The following MSN variants were observed in gnomAD, a reference collection of about 807,000 sequenced individuals.
MSN encodes moesin, also known as epididymis luminal protein 70.
Under a neutral mutation model 48.0 loss-of-function variants are expected in MSN, and 2 were observed. The observed-to-expected ratio is 0.04, with a 90% CI of 0.02 to 0.13. The LOEUF (loss-of-function observed/expected upper bound fraction) is 0.13. Ranked by LOEUF, MSN falls within the 10% of genes least tolerant of loss-of-function variation. The probability of loss-of-function intolerance (pLI) is 1.00; values close to 1 mark genes in which losing one functional copy is unlikely to be tolerated. For missense variants in MSN, 267 were observed against 470.1 expected (o/e 0.57, Z 3.99); for synonymous variants, 146 against 166.9 (o/e 0.87, Z 0.97).
chrX:65,731,019 C>A, intron 4 of MSN, 88 bp from the exon 5 acceptor site: 1 of 740,524 alleles, frequency 1.4e-6, no homozygotes, highest in Non-Finnish European at 2.0e-6. Context: ...CTCTTTGCAT[C>A]AGCCCCTTAG....
intron 1 of MSN, among the ~76,000 whole-genome samples, chrX:65,701,901 T>C (rs2071307618): frequency 9.0e-6 from 1 of 111,245 alleles, no homozygotes; most frequent in Admixed American, 9.5e-5. Flanking sequence ...CCTGCACTAC[T>C]TTACAAATAG....
intron 2 of MSN, among the ~76,000 whole-genome samples, chrX:65,727,005 C>T (rs1418912793): frequency 9.0e-6 from 1 of 111,048 alleles, no homozygotes; most frequent in African/African-American, 3.3e-5. Context: ...CAACAGGGGG[C>T]ACCTCAGCTG....
At chrX:65,676,656 G>T (rs760982590) in intron 1 of MSN, among the ~76,000 whole-genome samples, 1 of 111,517 alleles carries the variant, frequency 9.0e-6, no homozygotes, top group African/African-American at 3.3e-5. Context: ...AGGCATACCT[G>T]TCAGGCTTGA....
intron 1 of MSN, among the ~76,000 whole-genome samples, chrX:65,599,375 C>T (rs1452674277): frequency 8.9e-6 from 1 of 112,381 alleles, no homozygotes; most frequent in Non-Finnish European, 1.9e-5. Context: ...TGGCTCACGC[C>T]CATAATCCCA....
rs187672863 is a variant in MSN at position 65,662,128 on chromosome X, T to C, written c.-21-54690T>C. Among the ~76,000 whole-genome samples, 511 of 112,125 alleles carry C rather than the reference T, an allele frequency of 4.6e-3. 4 individuals are homozygous for C. The highest frequency in any genetic ancestry group is 0.016 in the African/African-American group (489 of 30,826). ...AGTACAAAACACTGCTCAAAGAAAT[T>C]GGAGATGACACAAATAAATGAAAAA... On this transcript the variant is annotated intron_variant, in intron 1 of 3. Coordinates refer to the MSN transcript ENST00000609672.
At chrX:65,605,204 C>T (rs759471201) in intron 1 of MSN, among the ~76,000 whole-genome samples, 14 of 112,706 alleles carry the variant, frequency 1.2e-4, no homozygotes, top group Admixed American at 2.8e-4. Flanking sequence ...CAAAACAGAA[C>T]ATTGCCACTC....
At chrX:65,669,807 T>G (rs901098900) in intron 1 of MSN, among the ~76,000 whole-genome samples, 11 of 109,995 alleles carry the variant, frequency 1.0e-4, no homozygotes, top group Non-Finnish European at 2.1e-4. Context: ...CCTTGGAGAC[T>G]ATTTAGTACA....
intron 1 of MSN, among the ~76,000 whole-genome samples, chrX:65,662,419 C>G (rs922890232): frequency 8.9e-6 from 1 of 112,092 alleles, no homozygotes; most frequent in Non-Finnish European, 1.9e-5. Flanking sequence ...CAGCATGGTA[C>G]TGGTACAAAA....
chrX:65,676,538 G>A (rs1385685508), intron 1 of MSN, among the ~76,000 whole-genome samples: 1 of 111,911 alleles, frequency 8.9e-6, no homozygotes, highest in Non-Finnish European at 1.9e-5. Context: ...TGAGAGAAGA[G>A]TTGAGATATG....
chrX:65,689,265 G>A (rs1207114692), intron 1 of MSN, among the ~76,000 whole-genome samples: 1 of 111,593 alleles, frequency 9.0e-6, no homozygotes, highest in Non-Finnish European at 1.9e-5. Flanking sequence ...AATGGAGGCT[G>A]GTCTGCCCTC....
chrX:65,634,360 C>G (rs1435843989), intron 1 of MSN, among the ~76,000 whole-genome samples: 8 of 112,592 alleles, frequency 7.1e-5, no homozygotes, highest in Admixed American at 3.8e-4. Flanking sequence ...CGCCTGTAAT[C>G]CCAGCACTTT....
chrX:65,601,521 T>A (rs1458279330), intron 1 of MSN, among the ~76,000 whole-genome samples: 1 of 112,788 alleles, frequency 8.9e-6, no homozygotes, highest in Non-Finnish European at 1.9e-5. Flanking sequence ...GGACAGCGTG[T>A]CCAGCCCACA....
At chrX:65,660,852 A>G (rs1220389963) in intron 1 of MSN, among the ~76,000 whole-genome samples, 1 of 112,050 alleles carries the variant, frequency 8.9e-6, no homozygotes, top group Non-Finnish European at 1.9e-5. Context: ...GGCGTGGGCC[A>G]CCGTGCCCAG....
intron 1 of MSN, among the ~76,000 whole-genome samples, chrX:65,628,719 G>T (rs2070529170): frequency 9.1e-6 from 1 of 109,537 alleles, no homozygotes; most frequent in Non-Finnish European, 1.9e-5. Context: ...TTTTTCTACT[G>T]CATCATCAGG....
intron 1 of MSN, among the ~76,000 whole-genome samples, chrX:65,701,856 G>C (rs1212668510): frequency 1.8e-5 from 2 of 111,433 alleles, no homozygotes; most frequent in African/African-American, 6.5e-5. Context: ...ATGGTGTGTA[G>C]TGATGATTTT....
intron 1 of MSN, among the ~76,000 whole-genome samples, chrX:65,600,107 A>C (rs1448792025): frequency 2.7e-5 from 3 of 110,896 alleles, no homozygotes; most frequent in African/African-American, 9.9e-5. Flanking sequence ...AAAACATAGG[A>C]TCTGAATTTG....
intron 1 of MSN, among the ~76,000 whole-genome samples, chrX:65,635,063 C>T (rs2070588483): frequency 8.9e-6 from 1 of 112,222 alleles, no homozygotes; most frequent in Non-Finnish European, 1.9e-5. Context: ...TCCTCTCTGC[C>T]TGTCTCTGAC....
chrX:65,625,469 C>T (rs2070496163), intron 1 of MSN: 2 of 112,147 alleles, frequency 1.8e-5, no homozygotes, highest in Admixed American at 1.9e-4. Flanking sequence ...GTTTGTTGCA[C>T]ATATGTTTAT....
intron 1 of MSN, among the ~76,000 whole-genome samples, chrX:65,595,656 C>T (rs1332720): frequency 0.24 from 26,472 of 112,042 alleles, 7,495 homozygotes; most frequent in African/African-American, 0.82. Flanking sequence ...TATGAGAAAT[C>T]ACTCTGGGTG....
Sources: gnomAD v4.1 joint callset for allele counts (sites outside exome capture counted in the v4.1 genomes callset) on GRCh38, gnomAD v4.1.1 for gene constraint, MANE v1.5 for transcripts, NCBI Gene and HGNC (gene_info 2026-07-23, HGNC 2026-07-21) for gene names.